Variants in SYTL5 observed in about 807,000 individuals in gnomAD.
SYTL5 encodes the protein synaptotagmin like 5, also known as synaptotagmin-like protein 5.
A neutral mutation model predicts 55.9 loss-of-function variants in SYTL5; 34 were observed. That is an observed-to-expected ratio of 0.61 (90% confidence interval 0.46 to 0.81). The LOEUF is 0.81. SYTL5 is among the 30% of genes least tolerant of loss of function. The pLI, the probability that SYTL5 is intolerant of heterozygous loss-of-function variation, is 0.00. For synonymous variants in SYTL5, 221 were observed against 188.7 expected (o/e 1.17, Z -1.40); for missense variants, 637 against 546.7 (o/e 1.17, Z -1.65).
At chrX:38,090,042 G>A (rs1936760513) in intron 7 of SYTL5, among the ~76,000 whole-genome samples, 1 of 112,123 alleles carries the variant, frequency 8.9e-6, no homozygotes, top group South Asian at 3.8e-4. Context: ...GCTTCATCAG[G>A]ACTGAACCTC....
At chrX:37,984,984 A>G in the SYTL5 span, among the ~76,000 whole-genome samples, 1 of 112,289 alleles carries the variant, frequency 8.9e-6, no homozygotes, top group African/African-American at 3.2e-5. Flanking sequence ...CCTCAACTTG[A>G]TAAAGGGTAT....
the SYTL5 span, among the ~76,000 whole-genome samples, chrX:37,926,356 G>A: frequency 9.1e-6 from 1 of 110,064 alleles, no homozygotes; most frequent in East Asian, 2.8e-4. Flanking sequence ...AGTTCCTTAT[G>A]TATTCTAGTT....
At chrX:38,083,686 A>G (rs1454805102) in intron 6 of SYTL5, among the ~76,000 whole-genome samples, 1 of 109,891 alleles carries the variant, frequency 9.1e-6, no homozygotes, top group Non-Finnish European at 1.9e-5. Flanking sequence ...ACTTGGGCCT[A>G]AGTTTAACAC....
At chrX:38,065,154 A>T (rs1936063717) in intron 3 of SYTL5, among the ~76,000 whole-genome samples, 1 of 111,738 alleles carries the variant, frequency 8.9e-6, no homozygotes, top group African/African-American at 3.2e-5. Flanking sequence ...TTGAACTCTA[A>T]ATATTATTTT....
chrX:37,951,559 T>C, the SYTL5 span, among the ~76,000 whole-genome samples: 1 of 110,890 alleles, frequency 9.0e-6, no homozygotes, highest in Non-Finnish European at 1.9e-5. Context: ...CATTATACTG[T>C]GGTAAGTACA....
the SYTL5 span, among the ~76,000 whole-genome samples, chrX:37,897,040 A>G: frequency 1.8e-5 from 2 of 111,806 alleles, no homozygotes; most frequent in Admixed American, 9.5e-5. Flanking sequence ...TTGAACAAAC[A>G]TTTGAAGGAG....
At position 38,125,390 on chromosome X, in the gene SYTL5, T is replaced by C. The variant is rs867770202; in HGVS notation, c.1934T>C (p.Phe645Ser). 1 of 1,210,080 alleles carries C rather than the reference T, an allele frequency of 8.3e-7. No homozygotes were observed. The stretch of plus-strand genomic sequence containing the variant: ...CCTCAGTGGAATCATACATTCATGT[T>C]CAGTGGCATCCATCCCCAGGATATA... Reference protein sequence around the residue: ...VNPQWNHTFMFSGIHPQDIKN... With the variant: ...VNPQWNHTFMSSGIHPQDIKN... The change falls in exon 16 of 17, where the codon TTC (phenylalanine) becomes TCC (serine). Residue 645 changes from phenylalanine to serine, a missense_variant. Phe to Ser is a radical substitution (Grantham distance 155). Transcript: ENST00000297875.
chrX:37,994,329 A>G, the SYTL5 span: 1 of 112,578 alleles, frequency 8.9e-6, no homozygotes, highest in Admixed American at 9.4e-5. Context: ...TTGGGGCAAA[A>G]CCCAGCAATT....
rs146670535 is a variant in SYTL5 at position 38,108,653 on chromosome X, C to G, written c.1388C>G (p.Thr463Ser). 2 of 1,202,218 alleles carry G rather than the reference C, an allele frequency of 1.7e-6. No homozygotes were observed. The highest frequency in any genetic ancestry group is 3.5e-5 in the African/African-American group (2 of 56,723). ...PDKSRNNKRK[T>S]KIRTGTNPEF... ...AAGTCCCGGAACAACAAGCGTAAGACCAAAATCAGAACAGGCACCAATCCA... is the reference window on the plus strand; with the variant it reads ...AAGTCCCGGAACAACAAGCGTAAGAGCAAAATCAGAACAGGCACCAATCCA... Residue 463 changes from threonine (T) to serine (S), a missense_variant, in exon 12 of 17, where the codon ACC (threonine) becomes AGC (serine). Coordinates refer to ENST00000297875, the MANE Select transcript of SYTL5 (RefSeq NM_138780.3).
At chrX:38,025,568 T>C (rs1406920216) in intron 1 of SYTL5, among the ~76,000 whole-genome samples, 2 of 112,035 alleles carry the variant, frequency 1.8e-5, no homozygotes, top group Non-Finnish European at 3.8e-5. Flanking sequence ...CTTAGCATAG[T>C]TCAACAAAGT....
chrX:38,048,165 G>A (rs1294616839), intron 2 of SYTL5, among the ~76,000 whole-genome samples: 2 of 109,049 alleles, frequency 1.8e-5, no homozygotes, highest in African/African-American at 6.7e-5. Context: ...CAGCCTGGGC[G>A]ACAGAGTGCA....
At chrX:38,076,437 C>A (rs748435389) in intron 5 of SYTL5, 130 bp from the exon 6 acceptor site, 1 of 546,148 alleles carries the variant, frequency 1.8e-6, no homozygotes, top group East Asian at 3.8e-5. Context: ...CTCTCCAGAA[C>A]CTCTCAGCCC....
the SYTL5 span, among the ~76,000 whole-genome samples, chrX:37,896,504 T>G: frequency 9.0e-6 from 1 of 110,955 alleles, no homozygotes; most frequent in African/African-American, 3.3e-5. Flanking sequence ...CTTTAGCAAA[T>G]AAGATATAAG....
At chrX:38,070,051 C>T (rs894844944) in intron 3 of SYTL5, among the ~76,000 whole-genome samples, 1 of 111,609 alleles carries the variant, frequency 9.0e-6, no homozygotes, top group African/African-American at 3.3e-5. Context: ...CTATGGTAGA[C>T]AAACTATGGT....
chrX:38,064,770 T>C (rs1485952765), intron 3 of SYTL5, among the ~76,000 whole-genome samples: 1 of 111,342 alleles, frequency 9.0e-6, no homozygotes, highest in African/African-American at 3.2e-5. Context: ...ATATGTTATA[T>C]GTATTTTAAT....
intron 7 of SYTL5, among the ~76,000 whole-genome samples, chrX:38,093,822 A>G (rs1305017658): frequency 9.1e-6 from 1 of 109,887 alleles, no homozygotes; most frequent in Admixed American, 9.9e-5. Context: ...CTAGATGGAA[A>G]AGGTACATGA....
At chrX:38,034,605 T>C (rs921604475) in intron 2 of SYTL5, among the ~76,000 whole-genome samples, 2 of 112,363 alleles carry the variant, frequency 1.8e-5, no homozygotes, top group African/African-American at 6.5e-5. Flanking sequence ...TTTTTAAAAA[T>C]AAGTTTCTTG....
the SYTL5 span, among the ~76,000 whole-genome samples, chrX:37,956,412 A>G: frequency 8.9e-6 from 1 of 112,566 alleles, no homozygotes; most frequent in Non-Finnish European, 1.9e-5. Flanking sequence ...ATCTTGCATA[A>G]GTGAAACTTT....
At chrX:38,040,952 C>T (rs952945281) in intron 2 of SYTL5, among the ~76,000 whole-genome samples, 8 of 111,998 alleles carry the variant, frequency 7.1e-5, no homozygotes, top group African/African-American at 2.3e-4. Flanking sequence ...ATGAAAGTTC[C>T]TTTTCCTCTG....
Sources: gnomAD v4.1 joint callset for allele counts (sites outside exome capture counted in the v4.1 genomes callset) on GRCh38, gnomAD v4.1.1 for gene constraint, MANE v1.5 for transcripts, NCBI Gene and HGNC (gene_info 2026-07-23, HGNC 2026-07-21) for gene names.